The following RPH3A variants were observed in gnomAD, a reference collection of about 807,000 sequenced individuals.
RPH3A encodes rabphilin-3A.
A neutral mutation model predicts 102.2 loss-of-function variants in RPH3A; 48 were observed. The ratio of observed to expected loss-of-function variants is 0.47; its 90% CI spans 0.37 to 0.60. The LOEUF (loss-of-function observed/expected upper bound fraction) is 0.60. Ranked by LOEUF, RPH3A falls within the 20% of genes least tolerant of loss-of-function variation. The pLI is 0.00. For synonymous variants in RPH3A, 310 were observed against 324.3 expected (o/e 0.96, Z 0.47); for missense variants, 781 against 910.1 (o/e 0.86, Z 1.83).
intron 1 of RPH3A, among the ~76,000 whole-genome samples, chr12:112,664,734 T>C (rs2040072673): frequency 6.6e-6 from 1 of 152,132 alleles, no homozygotes; most frequent in African/African-American, 2.4e-5. Flanking sequence ...ATTTTTGTGC[T>C]TTGTGTCACA....
intron 1 of RPH3A, among the ~76,000 whole-genome samples, chr12:112,640,480 A>G (rs1476762955): frequency 1.3e-5 from 2 of 149,590 alleles, no homozygotes; most frequent in Non-Finnish European, 2.9e-5. Context: ...CCATCTTTTC[A>G]TCTCTCCTTT....
intron 2 of RPH3A, among the ~76,000 whole-genome samples, chr12:112,796,351 T>G (rs2041229547): frequency 1.3e-5 from 2 of 152,222 alleles, no homozygotes; most frequent in African/African-American, 2.4e-5. Context: ...CCTATGGCAC[T>G]TCTTTGTAGG....
rs939500004 is a variant in RPH3A, at chr12:112,818,890, C to G, written c.-18-9411C>G. On this transcript the variant is annotated intron_variant, in intron 2 of 21. Transcript: ENST00000389385. ...ACACCTAGGATTTAGACCTTTGTTT[C>G]TCTCCCCAGCTCTGCCCTCAAATAA... 4.6e-5 allele frequency among the ~76,000 whole-genome samples: 7 copies of G among 152,140 alleles called. 1 individual carries two copies. The highest frequency in any genetic ancestry group is 2.6e-4 in the Admixed American group (4 of 15,276).
chr12:112,770,827 A>G (rs1202763145), intron 1 of RPH3A, among the ~76,000 whole-genome samples: 1 of 152,200 alleles, frequency 6.6e-6, no homozygotes, highest in African/African-American at 2.4e-5. Flanking sequence ...GATACCCCCA[A>G]CGGTAGTGTG....
intron 2 of RPH3A, among the ~76,000 whole-genome samples, chr12:112,815,978 T>C (rs2041664722): frequency 6.6e-6 from 1 of 152,138 alleles, no homozygotes; most frequent in South Asian, 2.1e-4. Flanking sequence ...TTGAACGATG[T>C]CTGGTGTTAA....
intron 1 of RPH3A, among the ~76,000 whole-genome samples, chr12:112,583,955 C>T (rs756666808): frequency 6.6e-6 from 1 of 152,140 alleles, no homozygotes; most frequent in Non-Finnish European, 1.5e-5. Context: ...CATTGCACTC[C>T]AGCCTGAATG....
At chr12:112,869,508 G>T (rs2042668194) in intron 8 of RPH3A, 1 of 456,036 alleles carries the variant, frequency 2.2e-6, no homozygotes, top group Non-Finnish European at 3.9e-6. Context: ...GTTCTTCTAG[G>T]CTGAGAAGGC....
intron 21 of RPH3A, 42 bp downstream of exon 21, chr12:112,895,915 TCCCC>T: frequency 7.3e-7 from 1 of 1,370,172 alleles, no homozygotes; most frequent in Non-Finnish European, 1.0e-6. Flanking sequence ...TCTTCTGTCC[TCCCC>T]AGAACAGGAG....
At chr12:112,869,128 C>G (rs765083078) in intron 8 of RPH3A, 1 of 153,134 alleles carries the variant, frequency 6.5e-6, no homozygotes, top group Non-Finnish European at 1.5e-5. Flanking sequence ...GAGGGAGAAG[C>G]AAAACAGTAA....
At chr12:112,723,345 G>A (rs531777940) in intron 1 of RPH3A, among the ~76,000 whole-genome samples, 1 of 152,238 alleles carries the variant, frequency 6.6e-6, no homozygotes, top group South Asian at 2.1e-4. Flanking sequence ...CTAGAGAAAA[G>A]AAAATGTAAT....
At chr12:112,802,804 G>T (rs2041380358) in intron 2 of RPH3A, among the ~76,000 whole-genome samples, 2 of 151,608 alleles carry the variant, frequency 1.3e-5, no homozygotes, top group Admixed American at 1.3e-4. Flanking sequence ...CACTCCCCAG[G>T]GCCTCTGTCC....
At chr12:112,713,672 C>A (rs2040496018) in intron 1 of RPH3A, among the ~76,000 whole-genome samples, 1 of 152,058 alleles carries the variant, frequency 6.6e-6, no homozygotes, top group African/African-American at 2.4e-5. Context: ...AGAAAAGAGT[C>A]CCACCAGCTG....
At chr12:112,841,164 C>G (rs1403944254) in intron 4 of RPH3A, among the ~76,000 whole-genome samples, 1 of 33,096 alleles carries the variant, frequency 3.0e-5, no homozygotes, top group African/African-American at 1.5e-4. Flanking sequence ...ATAACAAGAC[C>G]TTGTTTCTTA....
intron 1 of RPH3A, among the ~76,000 whole-genome samples, chr12:112,691,567 T>C (rs1262926765): frequency 6.6e-6 from 1 of 152,254 alleles, no homozygotes; most frequent in Non-Finnish European, 1.5e-5. Flanking sequence ...TACAGCTCTG[T>C]TATTTTTTAA....
chr12:112,895,576 G>T (rs988751695), intron 20 of RPH3A: 3 of 503,346 alleles, frequency 6.0e-6, no homozygotes, highest in African/African-American at 5.7e-5. Context: ...GAGGATGACA[G>T]TGCTTTGTTA....
chr12:112,687,797 A>G (rs2040277251), intron 1 of RPH3A, among the ~76,000 whole-genome samples: 1 of 152,178 alleles, frequency 6.6e-6, no homozygotes, highest in Admixed American at 6.5e-5. Context: ...ATCCATTGGT[A>G]TATGGGCCAA....
chr12:112,713,757 T>G (rs1357081389), intron 1 of RPH3A, among the ~76,000 whole-genome samples: 1 of 152,206 alleles, frequency 6.6e-6, no homozygotes, highest in African/African-American at 2.4e-5. Flanking sequence ...GGCACCCAAT[T>G]TGAAAGGACT....
intron 1 of RPH3A, among the ~76,000 whole-genome samples, chr12:112,672,290 A>G (rs2040138531): frequency 6.6e-6 from 1 of 152,216 alleles, no homozygotes; most frequent in Non-Finnish European, 1.5e-5. Context: ...TCAGCTGATT[A>G]GATGGGGCTC....
At chr12:112,806,922 C>T (rs999629080) in intron 2 of RPH3A, among the ~76,000 whole-genome samples, 4 of 151,906 alleles carry the variant, frequency 2.6e-5, no homozygotes, top group African/African-American at 9.7e-5. Flanking sequence ...AAGTGATGTT[C>T]GACCTGAGAT....
Sources: allele counts gnomAD v4.1 joint callset (sites outside exome capture counted in the v4.1 genomes callset), GRCh38; gene constraint gnomAD v4.1.1; transcripts MANE v1.5; gene names NCBI Gene and HGNC (gene_info 2026-07-23, HGNC 2026-07-21).